The following TEX15 variants were observed in gnomAD, a reference collection of about 807,000 sequenced individuals.
TEX15 encodes testis-expressed protein 15.
TEX15 carries 171 observed loss-of-function variants against 237.3 expected under a neutral mutation model. The ratio of observed to expected loss-of-function variants is 0.72; its 90% CI spans 0.64 to 0.82. The LOEUF is 0.82. Among genes scored for constraint, TEX15 ranks in the 40% least tolerant of loss-of-function variants. The probability of loss-of-function intolerance (pLI) is 0.00; values close to 1 mark genes in which losing one functional copy is unlikely to be tolerated. For synonymous variants in TEX15, 1,338 were observed against 1,269.8 expected (o/e 1.05, Z -1.14); for missense variants, 3,750 against 3,646.5 (o/e 1.03, Z -0.73).
intron 10 of TEX15, among the ~76,000 whole-genome samples, chr8:30,836,053 T>C (rs1242776804): frequency 2.0e-5 from 3 of 152,200 alleles, no homozygotes; most frequent in Admixed American, 6.5e-5. Context: ...CTAAAGTTTT[T>C]ACCTGAAGAT....
At chr8:30,910,610 CTT>C (rs796129316) in intron 1 of TEX15, among the ~76,000 whole-genome samples, 6,988 of 97,692 alleles carry the variant, frequency 0.072, 229 homozygotes, top group Admixed American at 0.16. Flanking sequence ...CACGCCTGGC[CTT>C]TTTTTTTTTT....
intron 3 of TEX15, among the ~76,000 whole-genome samples, chr8:30,879,363 T>C (rs1249571264): frequency 6.6e-6 from 1 of 152,350 alleles, no homozygotes; most frequent in Admixed American, 6.5e-5. Context: ...CAAGCTGAGA[T>C]CCTGAAGATG....
intron 3 of TEX15, among the ~76,000 whole-genome samples, chr8:30,879,608 G>A (rs761040164): frequency 9.2e-5 from 14 of 152,104 alleles, no homozygotes; most frequent in Non-Finnish European, 1.6e-4. Context: ...GTCTGTTTTC[G>A]GAATCTTTAT....
chr8:30,843,317 TTCTC>T lies in TEX15; in HGVS notation c.6846_6849del (p.Arg2283HisfsTer20). On this transcript the variant is annotated frameshift_variant, in exon 8 of 11. Transcript: ENST00000643185. LOFTEE classifies it high-confidence loss of function. ...GAGTATTTTTTGCTGAAGGATTGTG[TTCTC>T]TCTTTCCAAACAAGATTTTTTGCAG... 6.2e-7 allele frequency: 1 copy of T among 1,612,100 alleles called. No homozygotes were observed. Among genetic ancestry groups the T allele is most frequent in the South Asian group, 1.1e-5 (1 of 90,714 alleles).
chr8:30,867,781 T>C (rs1424569072), intron 4 of TEX15, among the ~76,000 whole-genome samples: 1 of 152,110 alleles, frequency 6.6e-6, no homozygotes, highest in Non-Finnish European at 1.5e-5. Context: ...GTCTTAAGCA[T>C]TACATGCATC....
At chr8:30,897,077 A>G (rs1679087835) in intron 2 of TEX15, among the ~76,000 whole-genome samples, 13 of 152,188 alleles carry the variant, frequency 8.5e-5, no homozygotes, top group Admixed American at 8.5e-4. Flanking sequence ...TTGTCTTTAC[A>G]AAATCGGGTT....
chr8:30,851,782 CA>C (rs1807792460), intron 7 of TEX15, among the ~76,000 whole-genome samples: 1 of 151,934 alleles, frequency 6.6e-6, no homozygotes, highest in Non-Finnish European at 1.5e-5. Context: ...ACTAAAAATA[CA>C]AAAATTAGGC....
At chr8:30,910,439 G>A (rs1043202743) in intron 1 of TEX15, among the ~76,000 whole-genome samples, 2 of 151,944 alleles carry the variant, frequency 1.3e-5, no homozygotes, top group African/African-American at 4.8e-5. Context: ...TCTTATGTTT[G>A]CCTAGTTCCA....
rs559821767 is a variant in TEX15, at chr8:30,845,670, A to G, written c.4497T>C (p.Ser1499=). ...CTCCCATGTGACTGGTGGTGGGGTGACTTTTTGAGACACTGCTAGCCATAC... is the reference window on the plus strand; with the variant it reads ...CTCCCATGTGACTGGTGGTGGGGTGGCTTTTTGAGACACTGCTAGCCATAC... ...RKSMASSVSK[S]HPTTSHMGEF... The change falls in exon 8 of 11, where the codon AGT becomes AGC. Residue 1499 remains serine (S), a synonymous_variant. Coordinates refer to ENST00000643185, the MANE Select transcript of TEX15 (RefSeq NM_001350162.2). 5 of 1,613,558 alleles carry G rather than the reference A, an allele frequency of 3.1e-6. No individual in the cohort carries two copies. Among genetic ancestry groups the G allele is most frequent in the Middle Eastern group, 1.6e-4 (1 of 6,062 alleles).
At chr8:30,901,517 A>G (rs1389911719) in intron 1 of TEX15, among the ~76,000 whole-genome samples, 1 of 152,242 alleles carries the variant, frequency 6.6e-6, no homozygotes, top group Non-Finnish European at 1.5e-5. Flanking sequence ...AACTGTGTTT[A>G]GCTGTGAGAA....
chr8:30,851,240 T>A (rs1223607119), intron 7 of TEX15, among the ~76,000 whole-genome samples: 1 of 152,186 alleles, frequency 6.6e-6, no homozygotes, highest in Non-Finnish European at 1.5e-5. Flanking sequence ...ACTGGCTAAA[T>A]GAATGACATA....
intron 5 of TEX15, among the ~76,000 whole-genome samples, chr8:30,865,628 T>C (rs994173934): frequency 6.6e-5 from 10 of 152,174 alleles, no homozygotes; most frequent in Non-Finnish European, 1.0e-4. Context: ...ATACCAGCGA[T>C]GCAAGGATGG....
chr8:30,835,721 C>T (rs900745508), intron 10 of TEX15, among the ~76,000 whole-genome samples: 3 of 152,140 alleles, frequency 2.0e-5, no homozygotes, highest in Admixed American at 2.0e-4. Context: ...TGCTTTAACT[C>T]TGATAAATGC....
chr8:30,875,013 G>C lies in TEX15; in HGVS notation c.226C>G (p.Leu76Val). 1 of 1,398,138 alleles carries C rather than the reference G, an allele frequency of 7.2e-7. No individual in the cohort carries two copies. The allele number at this position is 1,398,138 out of a possible 1,614,324, so 86.6% of individuals were successfully genotyped here. Residue 76 changes from leucine to valine, a missense_variant, in exon 4 of 11, where the codon CTG becomes GTG. By Grantham distance (32) the Leu-to-Val change is conservative. Transcript: ENST00000643185. ...NQCRLDVNCD[L>V]QSLWQFGDTK... Reference sequence around the variant, plus strand: ...TCCCCAAACTGCCATAACGACTGCAGATCACAGTTTACATCAAGCCTGCAC... The same window carrying C: ...TCCCCAAACTGCCATAACGACTGCACATCACAGTTTACATCAAGCCTGCAC...
chr8:30,863,689 T>C (rs1033474509), intron 5 of TEX15, among the ~76,000 whole-genome samples: 6 of 151,756 alleles, frequency 4.0e-5, no homozygotes, highest in African/African-American at 9.7e-5. Flanking sequence ...AAAATACTAC[T>C]CAAAAGCAAC....
At position 30,839,891 on chromosome 8, in the gene TEX15, GA is replaced by G; in HGVS notation, c.8222+14del. 6.3e-7 allele frequency: 1 copy of G among 1,585,746 alleles called. No homozygotes were observed. The highest frequency in any genetic ancestry group is 8.6e-7 in the Non-Finnish European group (1 of 1,167,010). On this transcript the variant is annotated intron_variant, in intron 9 of 10. Transcript: ENST00000643185. ...TTCAATTTTTTTTCCACATAGGGCT[GA>G]TGGGAACTCCTACCTTGGATGCTTG...
chr8:30,894,910 T>C (rs1411251356), intron 2 of TEX15, among the ~76,000 whole-genome samples: 2 of 152,156 alleles, frequency 1.3e-5, no homozygotes, highest in East Asian at 3.9e-4. Flanking sequence ...CATGTGAAGA[T>C]GCAGCGAAAA....
At chr8:30,864,985 T>A (rs997526847) in intron 5 of TEX15, among the ~76,000 whole-genome samples, 4 of 151,724 alleles carry the variant, frequency 2.6e-5, no homozygotes, top group African/African-American at 9.7e-5. Flanking sequence ...AATACTAAAA[T>A]TAAAAAGCAA....
intron 5 of TEX15, among the ~76,000 whole-genome samples, chr8:30,863,943 T>C (rs1476420268): frequency 2.1e-5 from 2 of 96,988 alleles, no homozygotes; most frequent in African/African-American, 8.3e-5. Flanking sequence ...AAACAGAAAA[T>C]TAGAGCCCAT....
Sources: gnomAD v4.1 joint callset for allele counts (sites outside exome capture counted in the v4.1 genomes callset) on GRCh38, gnomAD v4.1.1 for gene constraint, MANE v1.5 for transcripts, NCBI Gene and HGNC (gene_info 2026-07-23, HGNC 2026-07-21) for gene names.